Variants in SORCS3 observed in about 807,000 individuals in gnomAD.
SORCS3 encodes VPS10 domain-containing receptor SorCS3.
In SORCS3, 57 loss-of-function variants were observed where a neutral mutation model predicts 146.3. The ratio of observed to expected loss-of-function variants is 0.39; its 90% CI spans 0.31 to 0.49. The LOEUF (loss-of-function observed/expected upper bound fraction) is 0.49. Ranked by LOEUF, SORCS3 falls within the 20% of genes least tolerant of loss-of-function variation. The pLI, the probability that SORCS3 is intolerant of heterozygous loss-of-function variation, is 0.92. For synonymous variants in SORCS3, 653 were observed against 618.5 expected, an observed-to-expected ratio of 1.06 and a Z score of -0.83; for missense variants, 1,341 against 1,575.5, an observed-to-expected ratio of 0.85 and a Z score of 2.52.
intron 2 of SORCS3, among the ~76,000 whole-genome samples, chr10:104,912,701 T>C (rs2018981342): frequency 6.6e-6 from 1 of 152,190 alleles, no homozygotes; most frequent in South Asian, 2.1e-4. Flanking sequence ...AGTTGCTTTG[T>C]ACCAGGCATG....
chr10:105,245,372 C>G (rs2056859700), intron 20 of SORCS3, among the ~76,000 whole-genome samples, 170 bp from the exon 21 acceptor site: 1 of 152,168 alleles, frequency 6.6e-6, no homozygotes, highest in South Asian at 2.1e-4. Flanking sequence ...TATACTAATA[C>G]TCTTCCTAGA....
chr10:104,807,126 T>G lies in SORCS3; in HGVS notation c.628-35666T>G, dbSNP rs567085872. ...GAAGCATTTTCAGACCCTTGTGGAC[T>G]GTTGCTTTTAAGAAATGGTCTGCTC... On this transcript the variant is annotated intron_variant, in intron 1 of 26. Transcript: ENST00000369701. Among the ~76,000 whole-genome samples, 6 of 151,654 alleles carry G rather than the reference T, an allele frequency of 4.0e-5. 1 individual carries two copies. Among genetic ancestry groups the G allele is most frequent in the African/African-American group, 1.4e-4 (6 of 41,508 alleles).
At chr10:104,806,962 A>T in intron 1 of SORCS3, among the ~76,000 whole-genome samples, 1 of 152,050 alleles carries the variant, frequency 6.6e-6, no homozygotes, top group Non-Finnish European at 1.5e-5. Context: ...TTGGATGATG[A>T]CACATTCTGG....
intron 14 of SORCS3, among the ~76,000 whole-genome samples, chr10:105,183,276 T>C (rs2056454011): frequency 6.6e-6 from 1 of 152,242 alleles, no homozygotes; most frequent in Non-Finnish European, 1.5e-5. Context: ...CTCTGATTAA[T>C]TGTTCCACCA....
At chr10:105,222,973 A>G (rs1340299936) in intron 19 of SORCS3, 143 bp from the exon 20 acceptor site, 20 of 817,404 alleles carry the variant, frequency 2.4e-5, no homozygotes, top group Non-Finnish European at 5.5e-6. Context: ...GCGTGTATAC[A>G]CACCTCCCAA....
chr10:104,918,404 C>T (rs1381329550), intron 3 of SORCS3, among the ~76,000 whole-genome samples: 4 of 152,230 alleles, frequency 2.6e-5, no homozygotes, highest in Non-Finnish European at 5.9e-5. Context: ...TTTGCATCAG[C>T]TCATCTTTTG....
intron 2 of SORCS3, among the ~76,000 whole-genome samples, chr10:104,853,747 G>A (rs2018299368): frequency 6.6e-6 from 1 of 152,210 alleles, no homozygotes; most frequent in Admixed American, 6.5e-5. Flanking sequence ...GCGGCACATG[G>A]TTCTGGGAAT....
chr10:104,891,741 T>G (rs1262535217), intron 2 of SORCS3, among the ~76,000 whole-genome samples: 1 of 152,190 alleles, frequency 6.6e-6, no homozygotes, highest in Non-Finnish European at 1.5e-5. Flanking sequence ...TTATTTTATA[T>G]CTGATAAAAC....
chr10:104,827,778 T>C (rs2017955085), intron 1 of SORCS3, among the ~76,000 whole-genome samples: 1 of 152,236 alleles, frequency 6.6e-6, no homozygotes, highest in Non-Finnish European at 1.5e-5. Context: ...ATCGATTATA[T>C]AGTGTAGCCA....
chr10:104,967,094 C>T (rs1338913881), intron 3 of SORCS3, among the ~76,000 whole-genome samples: 1 of 151,964 alleles, frequency 6.6e-6, no homozygotes, highest in Non-Finnish European at 1.5e-5. Flanking sequence ...ATGCAGTTCT[C>T]ACCCTAAGGC....
At chr10:104,894,086 T>C (rs1042756005) in intron 2 of SORCS3, among the ~76,000 whole-genome samples, 2 of 152,232 alleles carry the variant, frequency 1.3e-5, no homozygotes, top group African/African-American at 4.8e-5. Context: ...CTGACCAGGC[T>C]TCCTCTCTGT....
intron 1 of SORCS3, among the ~76,000 whole-genome samples, chr10:104,795,037 A>T (rs149128260): frequency 6.6e-6 from 1 of 152,204 alleles, no homozygotes; most frequent in Non-Finnish European, 1.5e-5. Flanking sequence ...ATTTTGAAAC[A>T]CTCACTTGAC....
At chr10:105,076,084 T>C (rs1346550308) in intron 5 of SORCS3, among the ~76,000 whole-genome samples, 1 of 152,224 alleles carries the variant, frequency 6.6e-6, no homozygotes, top group Non-Finnish European at 1.5e-5. Flanking sequence ...ACATGTTCAT[T>C]AATGTGTTCT....
Position 104,842,782 on chromosome 10 carries a change from C to T in SORCS3, c.628-10C>T, listed in dbSNP as rs1292267186. ...TCCTCTCCTTTGCCCTTATCCCCAA[C>T]CCCTTGCAGGTCATACTTATCCTGA... is the stretch of plus-strand genomic sequence containing the variant. On this transcript the variant is annotated splice_polypyrimidine_tract_variant and intron_variant, in intron 1 of 26. Coordinates refer to ENST00000369701, the MANE Select transcript of SORCS3 (RefSeq NM_014978.3). 6.2e-7 allele frequency: 1 copy of T among 1,612,792 alleles called. No homozygotes were observed. Among genetic ancestry groups the T allele is most frequent in the Non-Finnish European group, 8.5e-7 (1 of 1,178,900 alleles).
intron 16 of SORCS3, among the ~76,000 whole-genome samples, chr10:105,204,795 C>T (rs1317131137): frequency 6.6e-6 from 1 of 151,764 alleles, no homozygotes; most frequent in Non-Finnish European, 1.5e-5. Flanking sequence ...GAATTATTTA[C>T]AGTGATTTTT....
intron 3 of SORCS3, among the ~76,000 whole-genome samples, chr10:104,948,146 TTCCCTGGACACCAATCCCTGCC>T (rs1433816975): frequency 1.3e-5 from 2 of 152,130 alleles, no homozygotes; most frequent in Non-Finnish European, 2.9e-5. Flanking sequence ...CTGATTCAGG[TTCCCTGGACACCAATCCCTGCC>T]TGGTCCTGTC....
intron 1 of SORCS3, among the ~76,000 whole-genome samples, chr10:104,692,191 G>T (rs2133422822): frequency 6.6e-6 from 1 of 152,234 alleles, no homozygotes; most frequent in East Asian, 1.9e-4. Context: ...TTCTCAGTTG[G>T]GGAAGGGGAG....
At chr10:104,659,295 C>T (rs541095496) in intron 1 of SORCS3, among the ~76,000 whole-genome samples, 4 of 152,206 alleles carry the variant, frequency 2.6e-5, no homozygotes, top group African/African-American at 9.6e-5. Context: ...ACATAATGAC[C>T]TAACTACATC....
At chr10:104,766,129 G>A (rs2017176998) in intron 1 of SORCS3, among the ~76,000 whole-genome samples, 1 of 152,218 alleles carries the variant, frequency 6.6e-6, no homozygotes, top group African/African-American at 2.4e-5. Context: ...AATGACCCAG[G>A]AAAAATGTCA....
Sources: allele counts gnomAD v4.1 joint callset (sites outside exome capture counted in the v4.1 genomes callset), GRCh38; gene constraint gnomAD v4.1.1; transcripts MANE v1.5; gene names NCBI Gene and HGNC (gene_info 2026-07-23, HGNC 2026-07-21).